Variants in LEF1 observed in about 807,000 individuals in gnomAD.
The protein encoded by LEF1 is lymphoid enhancer binding factor 1.
Under a neutral mutation model 51.2 loss-of-function variants are expected in LEF1, and 14 were observed. The observed-to-expected ratio is 0.27, with a 90% CI of 0.18 to 0.43. The LOEUF (loss-of-function observed/expected upper bound fraction) is 0.43. Among genes scored for constraint, LEF1 ranks in the 20% least tolerant of loss-of-function variants. LEF1 has a pLI of 1.00. For synonymous variants in LEF1, 185 were observed against 183.2 expected, an observed-to-expected ratio of 1.01 and a Z score of -0.08; for missense variants, 386 against 512.0, an observed-to-expected ratio of 0.75 and a Z score of 2.37.
chr4:108,086,793 T>C (rs1739672132), intron 4 of LEF1, among the ~76,000 whole-genome samples: 2 of 130,770 alleles, frequency 1.5e-5, no homozygotes, highest in African/African-American at 5.4e-5. Flanking sequence ...AATGAGAAAA[T>C]TGACATTAAT....
chr4:108,070,622 G>A, intron 9 of LEF1, 41 bp downstream of exon 9: 2 of 1,289,708 alleles, frequency 1.6e-6, no homozygotes, highest in East Asian at 4.6e-5. Flanking sequence ...AAGAGCGAAT[G>A]AGTGAGAGTG....
chr4:108,088,377 T>A (rs960245303), intron 4 of LEF1, among the ~76,000 whole-genome samples: 2 of 152,230 alleles, frequency 1.3e-5, no homozygotes, highest in Non-Finnish European at 2.9e-5. Flanking sequence ...CAAGTGCGCA[T>A]GTGCATGCAA....
chr4:108,089,855 G>A (rs1172541175), intron 3 of LEF1, among the ~76,000 whole-genome samples: 1 of 152,044 alleles, frequency 6.6e-6, no homozygotes, highest in Non-Finnish European at 1.5e-5. Flanking sequence ...TTATAGCTTT[G>A]TCAATCAAAC....
At position 108,155,314 on chromosome 4, in the gene LEF1, TG is replaced by T. The variant is rs532012890; in HGVS notation, c.414+8253del. ...CCCTCATACGTCTCATTCCCTTTCA[TG>T]GTGGATTACGGTGCTAAAGAAGAAA... On this transcript the variant is annotated intron_variant, in intron 3 of 11. Transcript: ENST00000265165. 3.3e-5 allele frequency among the ~76,000 whole-genome samples: 5 copies of T among 152,312 alleles called. No individual in the cohort carries two copies. The East Asian group carries it at 7.7e-4, about 24-fold the overall frequency.
intron 9 of LEF1, among the ~76,000 whole-genome samples, chr4:108,068,382 A>G (rs180735261): frequency 2.0e-5 from 3 of 152,278 alleles, no homozygotes; most frequent in South Asian, 4.1e-4. Context: ...ACCTGGGTGA[A>G]AACTTCAGCT....
At chr4:108,090,020 GC>G (rs1350044290) in intron 3 of LEF1, among the ~76,000 whole-genome samples, 3 of 151,734 alleles carry the variant, frequency 2.0e-5, no homozygotes, top group Admixed American at 2.0e-4. Context: ...TCACTGTGTC[GC>G]CCAGGCTGGA....
intron 3 of LEF1, among the ~76,000 whole-genome samples, chr4:108,137,828 A>G (rs1035657826): frequency 2.0e-5 from 3 of 152,210 alleles, no homozygotes; most frequent in African/African-American, 7.2e-5. Flanking sequence ...ATATTGTCCT[A>G]TAGAATATAT....
intron 3 of LEF1, among the ~76,000 whole-genome samples, chr4:108,136,180 T>C (rs1432089891): frequency 6.6e-6 from 1 of 152,206 alleles, no homozygotes; most frequent in Non-Finnish European, 1.5e-5. Context: ...GAAGCATAGT[T>C]CATTTTTTCT....
chr4:108,070,759 G>A lies in LEF1; in HGVS notation c.1020C>T (p.Leu340=). ...NQILGRRWHA[L]SREEQAKYYE... ...AATATTTAGCCTGCTCTTCACGGGA[G>A]AGGGCATGCCACTAAAACAGAGAGG... Residue 340 remains leucine (L), a synonymous_variant, in exon 9 of 12, where the codon CTC becomes CTT. Transcript: ENST00000265165. The A allele has an allele frequency of 6.2e-7, 1 of 1,611,596 alleles. No individual in the cohort carries two copies. Among genetic ancestry groups the A allele is most frequent in the Non-Finnish European group, 8.5e-7 (1 of 1,178,108 alleles).
chr4:108,089,562 T>C (rs192848840), intron 3 of LEF1, among the ~76,000 whole-genome samples: 224 of 152,334 alleles, frequency 1.5e-3, no homozygotes, highest in African/African-American at 5.2e-3. Context: ...ACATATATAT[T>C]TATACTCTCT....
At chr4:108,128,017 T>G (rs1431756152) in intron 3 of LEF1, among the ~76,000 whole-genome samples, 1 of 152,206 alleles carries the variant, frequency 6.6e-6, no homozygotes, top group South Asian at 2.1e-4. Flanking sequence ...ATATTTATTG[T>G]GTCAAATAAT....
chr4:108,097,674 T>A lies in LEF1; in HGVS notation c.415-8417A>T, dbSNP rs187542582. 3.3e-5 allele frequency among the ~76,000 whole-genome samples: 5 copies of A among 152,264 alleles called. No individual in the cohort carries two copies. The South Asian group carries it at 8.3e-4, about 25-fold the overall frequency. On this transcript the variant is annotated intron_variant, in intron 3 of 11. Transcript: ENST00000265165. The stretch of plus-strand genomic sequence containing the variant: ...GATTACTACACCTTGTATGCCTATA[T>A]CAAAACATCACATGTACCCCATAAA...
At chr4:108,157,856 CAGTGGGT>C (rs1744827597) in intron 3 of LEF1, among the ~76,000 whole-genome samples, 2 of 152,328 alleles carry the variant, frequency 1.3e-5, no homozygotes, top group East Asian at 3.9e-4. Flanking sequence ...GGTTTAGCTA[CAGTGGGT>C]ATTATACAAA....
At chr4:108,160,653 A>G (rs1745004914) in intron 3 of LEF1, among the ~76,000 whole-genome samples, 2 of 152,346 alleles carry the variant, frequency 1.3e-5, no homozygotes, top group East Asian at 1.9e-4. Context: ...GAAGAAAAAA[A>G]GCTGAGTAGG....
At chr4:108,109,685 G>A (rs1741398413) in intron 3 of LEF1, among the ~76,000 whole-genome samples, 1 of 152,178 alleles carries the variant, frequency 6.6e-6, no homozygotes, top group Non-Finnish European at 1.5e-5. Context: ...CCCATCTAAT[G>A]TAAGTTTTAA....
In LEF1 at chr4:108,163,569, G is replaced by A. The variant is rs201776417; in HGVS notation, c.413C>T (p.Thr138Ile). The A allele has an allele frequency of 6.2e-6, 10 of 1,612,408 alleles. No individual in the cohort carries two copies. In the South Asian group the frequency reaches 1.1e-4, roughly 18 times the overall value. Residue 138 changes from threonine to isoleucine, a missense_variant and splice_region_variant, in exon 3 of 12, where the codon ACA becomes ATA. Coordinates refer to ENST00000265165, the MANE Select transcript of LEF1 (RefSeq NM_016269.5). ...TTGCAACATCAGCATGTTACTTACT[G>A]TTCTCGGGATGGGTGGAGAAAGAGA... ...NGSLSPPIPR[T>I]SNKVPVVQPS... is the part of the protein sequence containing the mutation.
chr4:108,086,810 T>C (rs2110261732), intron 4 of LEF1, among the ~76,000 whole-genome samples: 1 of 58,264 alleles, frequency 1.7e-5, no homozygotes, highest in South Asian at 6.5e-4. Context: ...TAATGTACTG[T>C]CCCTTACACA....
intron 3 of LEF1, among the ~76,000 whole-genome samples, chr4:108,127,092 T>C (rs1043293311): frequency 1.3e-5 from 2 of 152,060 alleles, no homozygotes; most frequent in African/African-American, 2.4e-5. Context: ...TCAGGAGACA[T>C]AGGAGCTGGA....
chr4:108,123,234 A>T (rs1267415718), intron 3 of LEF1, among the ~76,000 whole-genome samples: 1 of 152,150 alleles, frequency 6.6e-6, no homozygotes, highest in Non-Finnish European at 1.5e-5. Context: ...ACCCTTGATA[A>T]TATGAACTAA....
Sources: allele counts gnomAD v4.1 joint callset (sites outside exome capture counted in the v4.1 genomes callset), GRCh38; gene constraint gnomAD v4.1.1; transcripts MANE v1.5; gene names NCBI Gene and HGNC (gene_info 2026-07-23, HGNC 2026-07-21).